The following IGF1 variants were observed in gnomAD, a reference collection of about 807,000 sequenced individuals.
The protein encoded by IGF1 is insulin-like growth factor 1.
In IGF1, 4 loss-of-function variants were observed where a neutral mutation model predicts 13.8. The ratio of observed to expected loss-of-function variants is 0.29; its 90% CI spans 0.14 to 0.66. The LOEUF (loss-of-function observed/expected upper bound fraction) is 0.66, where lower values mean the gene tolerates loss of function less well. Among genes scored for constraint, IGF1 ranks in the 30% least tolerant of loss-of-function variants. The pLI, the probability that IGF1 is intolerant of heterozygous loss-of-function variation, is 0.78. For synonymous variants in IGF1, 76 were observed against 72.6 expected (o/e 1.05, Z -0.23); for missense variants, 124 against 188.5 (o/e 0.66, Z 2.00).
chr12:102,441,958 T>TCTCCTTCTCCTTCTCCTTCTCC (rs1555244184), intron 2 of IGF1, among the ~76,000 whole-genome samples: 1 of 41,188 alleles, frequency 2.4e-5, no homozygotes, highest in Non-Finnish European at 4.5e-5. Flanking sequence ...TCTTCTTCTT[T>TCTCCTTCTCCTTCTCCTTCTCC]TTTTTTTTTG....
rs1320508564 is a variant in IGF1, at chr12:102,397,084, C to A, written c.*5423G>T. On this transcript the variant is annotated 3_prime_UTR_variant, in exon 4 of 4. Coordinates refer to ENST00000337514, the MANE Select transcript of IGF1 (RefSeq NM_000618.5). The stretch of plus-strand genomic sequence containing the variant: ...GGGCATAGTGGTGGGTGCCTGTAAT[C>A]CCAGCTACTCAGGAGGCTGAGGCAG... 2.9e-6 allele frequency: 1 copy of A among 349,086 alleles called. No homozygotes were observed. The highest frequency in any genetic ancestry group is 2.1e-5 in the African/African-American group (1 of 47,280). 21.6% of individuals were successfully genotyped at this position (349,086 alleles called of 1,614,324 possible).
At chr12:102,414,181 C>G (rs926826597) in intron 3 of IGF1, among the ~76,000 whole-genome samples, 18 of 152,102 alleles carry the variant, frequency 1.2e-4, no homozygotes, top group Admixed American at 7.9e-4. Context: ...ACTCCTTGCA[C>G]AGACACACAC....
At chr12:102,409,123 C>G (rs529552733) in intron 3 of IGF1, among the ~76,000 whole-genome samples, 17 of 152,204 alleles carry the variant, frequency 1.1e-4, no homozygotes, top group Non-Finnish European at 1.8e-4. Flanking sequence ...GCACCTACAT[C>G]ACAGTGGTGT....
chr12:102,446,352 T>C (rs1878326988), intron 2 of IGF1, among the ~76,000 whole-genome samples: 1 of 152,124 alleles, frequency 6.6e-6, no homozygotes, highest in South Asian at 2.1e-4. Context: ...CATCTGGTCC[T>C]GGGTTTTTTT....
At position 102,408,197 on chromosome 12, in the gene IGF1, G is replaced by C. The variant is rs545231870; in HGVS notation, c.403-5631C>G. 2.6e-5 allele frequency among the ~76,000 whole-genome samples: 4 copies of C among 152,334 alleles called. 1 individual carries two copies. The highest frequency in any genetic ancestry group is 9.6e-5 in the African/African-American group (4 of 41,582). On this transcript the variant is annotated intron_variant, in intron 3 of 3. Coordinates refer to ENST00000337514, the MANE Select transcript of IGF1 (RefSeq NM_000618.5). ...AAAGAGCAGTGGATGATTGGAAAGA[G>C]GGCTCAGATATCAGCCCTTTACCTG...
intron 3 of IGF1, among the ~76,000 whole-genome samples, chr12:102,416,093 A>G (rs539076187): frequency 1.1e-4 from 16 of 152,328 alleles, no homozygotes; most frequent in Non-Finnish European, 7.3e-5. Context: ...GTGATCCTGG[A>G]GTAAAAAGCA....
chr12:102,436,913 T>G (rs1221650425), intron 2 of IGF1, among the ~76,000 whole-genome samples: 1 of 152,150 alleles, frequency 6.6e-6, no homozygotes, highest in Non-Finnish European at 1.5e-5. Flanking sequence ...AATCCAACAG[T>G]GCCCAAAGGC....
intron 2 of IGF1, among the ~76,000 whole-genome samples, chr12:102,427,669 G>A (rs1483186327): frequency 6.6e-6 from 1 of 152,146 alleles, no homozygotes; most frequent in Non-Finnish European, 1.5e-5. Context: ...TGTCTGGAGG[G>A]AGAGTGTTGG....
chr12:102,452,183 A>G (rs1169002081), intron 2 of IGF1, among the ~76,000 whole-genome samples: 1 of 136,452 alleles, frequency 7.3e-6, no homozygotes, highest in East Asian at 2.3e-4. Context: ...AATGGCGTGA[A>G]CCCGGGAGGC....
chr12:102,421,977 CAT>C (rs1439728197), intron 2 of IGF1, among the ~76,000 whole-genome samples: 1 of 152,060 alleles, frequency 6.6e-6, no homozygotes, highest in South Asian at 2.1e-4. Flanking sequence ...AAACTCACCA[CAT>C]GTCGATTTCC....
chr12:102,480,200 A>G (rs1592843594), intron 1 of IGF1, 119 bp downstream of exon 1: 6 of 966,486 alleles, frequency 6.2e-6, no homozygotes, highest in Non-Finnish European at 9.6e-6. Flanking sequence ...CAATTTATAA[A>G]TAACTCTCGG....
intron 2 of IGF1, among the ~76,000 whole-genome samples, chr12:102,454,623 T>C (rs990568878): frequency 2.0e-5 from 3 of 152,222 alleles, no homozygotes; most frequent in African/African-American, 4.8e-5. Context: ...GGCCAGCCTA[T>C]TTAAGAATGG....
chr12:102,434,300 TC>T (rs1274923344), intron 2 of IGF1, among the ~76,000 whole-genome samples: 2 of 73,000 alleles, frequency 2.7e-5, no homozygotes, highest in Non-Finnish European at 5.1e-5. Context: ...CCCTCCCCCC[TC>T]CCCCCACCCC....
intron 2 of IGF1, among the ~76,000 whole-genome samples, chr12:102,444,743 G>C (rs1254040254): frequency 1.3e-5 from 2 of 152,082 alleles, no homozygotes; most frequent in East Asian, 1.9e-4. Flanking sequence ...GTGCCGCGTA[G>C]TATGTGAAAA....
chr12:102,396,244 T>C lies in IGF1; in HGVS notation c.*6263A>G, dbSNP rs1873172198. The stretch of plus-strand genomic sequence containing the variant: ...AAAATACATGAGGCAAAATACATGA[T>C]GTAATCCCAATTCTCATAGTTCATT... On this transcript the variant is annotated 3_prime_UTR_variant, in exon 4 of 4. Transcript: ENST00000337514. 6.6e-6 allele frequency: 1 copy of C among 152,236 alleles called. No homozygotes were observed. The highest frequency in any genetic ancestry group is 2.4e-5 in the African/African-American group (1 of 41,474). 9.4% of individuals were successfully genotyped at this position (152,236 alleles called of 1,614,324 possible).
chr12:102,453,204 T>A (rs1453704602), intron 2 of IGF1, among the ~76,000 whole-genome samples: 2 of 152,200 alleles, frequency 1.3e-5, no homozygotes, highest in Non-Finnish European at 2.9e-5. Flanking sequence ...TGGAATAATG[T>A]GTTAGGTGTG....
chr12:102,427,413 TG>T lies in IGF1; in HGVS notation c.221-7724del, dbSNP rs1876306531. Among the ~76,000 whole-genome samples, 8 of 152,320 alleles carry T rather than the reference TG, an allele frequency of 5.3e-5. No individual in the cohort carries two copies. In the South Asian group the frequency reaches 1.5e-3, roughly 28 times the overall value. ...CCCTCTTTCTGGTGCCACAGAAAGA[TG>T]AATCAGCCAAAGGGATATTAAAACA... On this transcript the variant is annotated intron_variant, in intron 2 of 3. Coordinates refer to ENST00000337514, the MANE Select transcript of IGF1 (RefSeq NM_000618.5).
At chr12:102,408,627 A>G (rs1427164941) in intron 3 of IGF1, among the ~76,000 whole-genome samples, 1 of 152,064 alleles carries the variant, frequency 6.6e-6, no homozygotes, top group Admixed American at 6.6e-5. Context: ...TGCCAGTACA[A>G]CGGCTCTTCT....
At chr12:102,478,394 A>C in intron 1 of IGF1, 1 of 751,262 alleles carries the variant, frequency 1.3e-6, no homozygotes, top group Non-Finnish European at 1.9e-6. Context: ...TTTTAATCTT[A>C]GATAAATGGA....
Sources: allele counts gnomAD v4.1 joint callset (sites outside exome capture counted in the v4.1 genomes callset), GRCh38; gene constraint gnomAD v4.1.1; transcripts MANE v1.5; gene names NCBI Gene and HGNC (gene_info 2026-07-23, HGNC 2026-07-21).